The following PRKN variants were observed in gnomAD, a reference collection of about 807,000 sequenced individuals.
The protein encoded by PRKN is E3 ubiquitin-protein ligase parkin.
A neutral mutation model predicts 59.5 loss-of-function variants in PRKN; 56 were observed. That is an observed-to-expected ratio of 0.94 (90% confidence interval 0.76 to 1.18). The LOEUF (loss-of-function observed/expected upper bound fraction) is 1.18, where lower values mean the gene tolerates loss of function less well. PRKN is among the 50% of genes most tolerant of loss of function. PRKN has a pLI of 0.00. For missense variants in PRKN, 657 were observed against 596.4 expected (o/e 1.10, Z -1.06); for synonymous variants, 250 against 222.1 (o/e 1.13, Z -1.12).
At chr6:161,469,567 GAGAGAA>G in intron 9 of PRKN, among the ~76,000 whole-genome samples, 2 of 139,656 alleles carry the variant, frequency 1.4e-5, no homozygotes, top group East Asian at 2.0e-4. Flanking sequence ...GAGAGAGAGA[GAGAGAA>G]AGAGAGAGAG....
chr6:161,956,416 A>C (rs990714199), intron 6 of PRKN, among the ~76,000 whole-genome samples: 1 of 152,234 alleles, frequency 6.6e-6, no homozygotes, highest in African/African-American at 2.4e-5. Context: ...GGGAGGAGAG[A>C]AAAGTCTGTG....
At chr6:162,625,000 C>G (rs1170425896) in intron 1 of PRKN, among the ~76,000 whole-genome samples, 1 of 152,222 alleles carries the variant, frequency 6.6e-6, no homozygotes, top group Non-Finnish European at 1.5e-5. Context: ...GCCCTTCCTT[C>G]TGGGAAGGCT....
chr6:162,636,708 G>C (rs374015646), intron 1 of PRKN, among the ~76,000 whole-genome samples: 1 of 152,190 alleles, frequency 6.6e-6, no homozygotes, highest in African/African-American at 2.4e-5. Flanking sequence ...AAAACAACTG[G>C]GCATGGTGGC....
intron 2 of PRKN, among the ~76,000 whole-genome samples, chr6:162,389,196 G>A (rs1490181888): frequency 1.3e-5 from 2 of 151,962 alleles, no homozygotes; most frequent in African/African-American, 2.4e-5. Flanking sequence ...GTGTGCGCAG[G>A]GCTGGGATGG....
intron 5 of PRKN, among the ~76,000 whole-genome samples, chr6:162,036,184 C>G (rs935804721): frequency 1.3e-5 from 2 of 151,246 alleles, no homozygotes; most frequent in Non-Finnish European, 2.9e-5. Flanking sequence ...ATTAGCCGGG[C>G]GTGGTGGCGG....
chr6:162,150,915 T>C (rs1782243842), intron 4 of PRKN, among the ~76,000 whole-genome samples: 1 of 152,172 alleles, frequency 6.6e-6, no homozygotes, highest in Non-Finnish European at 1.5e-5. Context: ...GGTCGTTGAA[T>C]ACTATGAAAA....
At chr6:161,469,071 C>T (rs1790630361) in intron 9 of PRKN, among the ~76,000 whole-genome samples, 1 of 152,084 alleles carries the variant, frequency 6.6e-6, no homozygotes, top group Non-Finnish European at 1.5e-5. Context: ...TCTGTGTACT[C>T]ATCCCTGGAA....
intron 9 of PRKN, among the ~76,000 whole-genome samples, chr6:161,517,023 G>C (rs999239436): frequency 6.6e-6 from 1 of 152,054 alleles, no homozygotes; most frequent in African/African-American, 2.4e-5. Context: ...TAAAAATATA[G>C]TATTATAGAG....
At chr6:162,513,035 T>G (rs534816085) in intron 1 of PRKN, among the ~76,000 whole-genome samples, 1 of 152,232 alleles carries the variant, frequency 6.6e-6, no homozygotes, top group East Asian at 1.9e-4. Flanking sequence ...AGCACTGACA[T>G]GGGCTACTTG....
Position 161,547,393 on chromosome 6 carries a change from A to T in PRKN, c.1083+1461T>A, listed in dbSNP as rs1289646960. Among the ~76,000 whole-genome samples, 2 of 152,202 alleles carry T rather than the reference A, an allele frequency of 1.3e-5. No homozygotes were observed. The highest frequency in any genetic ancestry group is 3.9e-4 in the East Asian group (2 of 5,194). ...TTAAGTATGTATGTTATTTACTTATAATTTACTTGTATAAAAAAGGGAAGA... is the reference window on the plus strand; with the variant it reads ...TTAAGTATGTATGTTATTTACTTATTATTTACTTGTATAAAAAAGGGAAGA... On this transcript the variant is annotated intron_variant, in intron 9 of 11. Transcript: ENST00000366898. The surrounding 1 kb of genome is among the most constrained non-coding windows in gnomAD (Gnocchi z 4.0).
chr6:161,669,642 T>C (rs1173673917), intron 7 of PRKN, among the ~76,000 whole-genome samples: 6 of 152,222 alleles, frequency 3.9e-5, no homozygotes, highest in Non-Finnish European at 8.8e-5. Context: ...TCTTTAAAAA[T>C]GGTTCTTCTG....
intron 1 of PRKN, among the ~76,000 whole-genome samples, chr6:162,553,617 ATGCATT>A (rs1459271034): frequency 6.6e-6 from 1 of 151,520 alleles, no homozygotes; most frequent in African/African-American, 2.4e-5. Context: ...ATTTAAAGCT[ATGCATT>A]TGCTCAGGAA....
At position 161,497,097 on chromosome 6, in the gene PRKN, C is replaced by T. The variant is rs58130083; in HGVS notation, c.1083+51757G>A. Among the ~76,000 whole-genome samples, 9,415 of 152,310 alleles carry T rather than the reference C, an allele frequency of 0.062. 395 individuals are homozygous for T. Among genetic ancestry groups the T allele is most frequent in the African/African-American group, 0.11 (4,643 of 41,562 alleles). ...CTGGCATGCCCGTTCCTCCTGGCTACGACTCCACAGCCTGTTCCCAGGGGT... is the reference window on the plus strand; with the variant it reads ...CTGGCATGCCCGTTCCTCCTGGCTATGACTCCACAGCCTGTTCCCAGGGGT... On this transcript the variant is annotated intron_variant, in intron 9 of 11. Transcript: ENST00000366898. The surrounding 1 kb of genome is among the most constrained non-coding windows in gnomAD (Gnocchi z 4.6).
At chr6:161,732,483 T>TGTGTGTGTGTGTGTGTGTG (rs1398832020) in intron 7 of PRKN, among the ~76,000 whole-genome samples, 7 of 140,250 alleles carry the variant, frequency 5.0e-5, no homozygotes, top group African/African-American at 1.8e-4. Context: ...GGTTTTTTTT[T>TGTGTGTGTGTGTGTGTGTG]TTTGTGTGTG....
At chr6:162,118,826 C>T (rs1299082672) in intron 4 of PRKN, among the ~76,000 whole-genome samples, 1 of 152,200 alleles carries the variant, frequency 6.6e-6, no homozygotes, top group African/African-American at 2.4e-5. Flanking sequence ...TGGAGGTGTC[C>T]TGGCCTTTGA....
At chr6:161,854,894 C>T (rs1793584871) in intron 6 of PRKN, among the ~76,000 whole-genome samples, 1 of 151,832 alleles carries the variant, frequency 6.6e-6, no homozygotes, top group South Asian at 2.1e-4. Flanking sequence ...ACAAGCCTGG[C>T]CAACACAGTG....
intron 9 of PRKN, among the ~76,000 whole-genome samples, chr6:161,431,147 A>AAG (rs923528031): frequency 1.3e-5 from 2 of 151,644 alleles, no homozygotes; most frequent in Non-Finnish European, 2.9e-5. Context: ...TCAAAAAAAA[A>AAG]AAAAAGAAAT....
In PRKN at chr6:161,444,458, T is replaced by C. The variant is rs1789394120; in HGVS notation, c.1084-57581A>G. Among the ~76,000 whole-genome samples, 1 of 152,232 alleles carries C rather than the reference T, an allele frequency of 6.6e-6. No homozygotes were observed. Among genetic ancestry groups the C allele is most frequent in the South Asian group, 2.1e-4 (1 of 4,834 alleles). On this transcript the variant is annotated intron_variant, in intron 9 of 11. Transcript: ENST00000366898. This position sits in a 1 kb window ranked among gnomAD's most constrained non-coding sequence, Gnocchi z 5.6. ...TCATGAATTTACTCCGGCATTTCCATTTCCATGCATGCTTTTTCCATTTAG... is the reference window on the plus strand; with the variant it reads ...TCATGAATTTACTCCGGCATTTCCACTTCCATGCATGCTTTTTCCATTTAG...
chr6:161,685,305 T>C (rs1409292880), intron 7 of PRKN, among the ~76,000 whole-genome samples: 2 of 152,208 alleles, frequency 1.3e-5, no homozygotes, highest in African/African-American at 4.8e-5. Flanking sequence ...ATGACCCTAG[T>C]GCCTTGCAAG....
Sources: gnomAD v4.1 joint callset for allele counts (sites outside exome capture counted in the v4.1 genomes callset) on GRCh38, gnomAD v4.1.1 for gene constraint, Gnocchi (gnomAD v3.1) non-coding constraint, MANE v1.5 for transcripts, NCBI Gene and HGNC (gene_info 2026-07-23, HGNC 2026-07-21) for gene names.